Variants in RAP1GAP2 observed in about 807,000 individuals in gnomAD.
The protein encoded by RAP1GAP2 is rap1 GTPase-activating protein 2.
In RAP1GAP2, 27 loss-of-function variants were observed where a neutral mutation model predicts 95.0. The ratio of observed to expected loss-of-function variants is 0.28; its 90% CI spans 0.21 to 0.39. The LOEUF is 0.39. Ranked by LOEUF, RAP1GAP2 falls within the 10% of genes least tolerant of loss-of-function variation. The pLI is 1.00. For missense variants in RAP1GAP2, 771 were observed against 970.0 expected (o/e 0.79, Z 2.72); for synonymous variants, 373 against 380.9 (o/e 0.98, Z 0.24).
intron 2 of RAP1GAP2, among the ~76,000 whole-genome samples, chr17:2,837,607 CTT>C (rs36019609): frequency 1.7e-3 from 211 of 122,100 alleles, no homozygotes; most frequent in Middle Eastern, 8.1e-3. Context: ...AGCCCTGCTT[CTT>C]TTTTTTTTTT....
intron 3 of RAP1GAP2, among the ~76,000 whole-genome samples, chr17:2,941,412 A>G (rs1457736449): frequency 6.6e-6 from 1 of 152,096 alleles, no homozygotes; most frequent in East Asian, 1.9e-4. Context: ...CATCTAAAAC[A>G]TAAATTAAAA....
chr17:2,872,294 C>T (rs902399328), intron 2 of RAP1GAP2, among the ~76,000 whole-genome samples: 1 of 150,708 alleles, frequency 6.6e-6, no homozygotes, highest in African/African-American at 2.4e-5. Flanking sequence ...ACGAGTTCTC[C>T]AAAACAAAGA....
chr17:3,002,199 G>A (rs1278490502), intron 14 of RAP1GAP2, among the ~76,000 whole-genome samples: 1 of 152,176 alleles, frequency 6.6e-6, no homozygotes, highest in Non-Finnish European at 1.5e-5. Context: ...CTGACTTTGT[G>A]ATCCACTGGC....
Position 2,991,275 on chromosome 17 carries a change from C to A in RAP1GAP2, c.814-22C>A, listed in dbSNP as rs8071529. On this transcript the variant is annotated intron_variant, in intron 11 of 24. Transcript: ENST00000254695. ...AGAAAGAATTTTTCTAATTCCTGCC[C>A]TTATTCCTGTTTCTCTTTCAGACCC... The A allele has an allele frequency of 3.9e-5, 60 of 1,547,710 alleles. No homozygotes were observed. The East Asian group carries it at 4.6e-4, about 12-fold the overall frequency.
chr17:2,895,581 G>A (rs2041791365), intron 2 of RAP1GAP2, among the ~76,000 whole-genome samples: 2 of 39,152 alleles, frequency 5.1e-5, no homozygotes, highest in Admixed American at 8.0e-4. Context: ...GCCCTTCCCC[G>A]CTACTTTTTT....
At chr17:2,927,005 CAA>C (rs1242428206) in intron 3 of RAP1GAP2, among the ~76,000 whole-genome samples, 3,050 of 54,008 alleles carry the variant, frequency 0.056, 115 homozygotes, top group African/African-American at 0.18. Context: ...GACTCCATCT[CAA>C]AAAAAAAAAA....
At chr17:2,981,869 C>T (rs1597791541) in intron 10 of RAP1GAP2, among the ~76,000 whole-genome samples, 2 of 152,256 alleles carry the variant, frequency 1.3e-5, no homozygotes. Flanking sequence ...CTGAAGTCAC[C>T]CATGGACAGT....
Position 2,796,709 on chromosome 17 carries a change from C to T in RAP1GAP2, c.44+138C>T, listed in dbSNP as rs1211803454. 7.2e-6 allele frequency: 7 copies of T among 968,044 alleles called. No individual in the cohort carries two copies. The highest frequency in any genetic ancestry group is 5.2e-5 in the East Asian group (2 of 38,112). 60.0% of individuals were successfully genotyped at this position (968,044 alleles called of 1,614,324 possible). ...TGGGTCTGCTGACGCCCTGGCAGGT[C>T]GAGATGCAGGATCCTGGTGGGGACA... On this transcript the variant is annotated intron_variant, in intron 1 of 24. Transcript: ENST00000254695. The surrounding 1 kb of genome is among the most constrained non-coding windows in gnomAD (Gnocchi z 4.7).
chr17:2,893,386 A>G (rs1224043922), intron 2 of RAP1GAP2, among the ~76,000 whole-genome samples: 1 of 152,170 alleles, frequency 6.6e-6, no homozygotes, highest in East Asian at 1.9e-4. Context: ...GGGATAATAA[A>G]TGCGTGTGGT....
chr17:2,896,985 GCCCCCTTTGACCCTCTC>G (rs2041851053), intron 2 of RAP1GAP2, among the ~76,000 whole-genome samples: 1 of 152,158 alleles, frequency 6.6e-6, no homozygotes, highest in Non-Finnish European at 1.5e-5. Flanking sequence ...GGGACCAGTA[GCCCCCTTTGACCCTCTC>G]CCCCTTCTGT....
intron 10 of RAP1GAP2, 126 bp downstream of exon 10, chr17:2,981,374 T>C: frequency 1.2e-6 from 1 of 846,298 alleles, no homozygotes; most frequent in Non-Finnish European, 1.9e-6. Context: ...TAAGCTTCCA[T>C]GTCTCCCTCT....
chr17:2,856,962 A>G lies in RAP1GAP2; in HGVS notation c.81-48322A>G, dbSNP rs547419669. 2.6e-5 allele frequency among the ~76,000 whole-genome samples: 4 copies of G among 152,364 alleles called. 1 individual carries two copies. In the South Asian group the frequency reaches 8.3e-4, roughly 32 times the overall value. On this transcript the variant is annotated intron_variant, in intron 2 of 24. Coordinates refer to ENST00000254695, the MANE Select transcript of RAP1GAP2 (RefSeq NM_015085.5). ...GTTTCTTTGTCTCTTTAAGCGTCTGAAATGAGTGCAGCAAGCACTATTGAC... is the reference window on the plus strand; with the variant it reads ...GTTTCTTTGTCTCTTTAAGCGTCTGGAATGAGTGCAGCAAGCACTATTGAC...
At chr17:2,892,403 T>A (rs2073754384) in intron 2 of RAP1GAP2, among the ~76,000 whole-genome samples, 1 of 152,150 alleles carries the variant, frequency 6.6e-6, no homozygotes, top group Admixed American at 6.6e-5. Context: ...TAGGGCGTGT[T>A]GGAGATGATG....
At chr17:3,002,423 G>A (rs898708878) in intron 14 of RAP1GAP2, among the ~76,000 whole-genome samples, 2 of 152,204 alleles carry the variant, frequency 1.3e-5, no homozygotes. Flanking sequence ...GTGTGAATGA[G>A]GCCAGGGAGG....
chr17:2,999,167 G>T (rs1301084301), intron 14 of RAP1GAP2, among the ~76,000 whole-genome samples: 1 of 152,156 alleles, frequency 6.6e-6, no homozygotes, highest in African/African-American at 2.4e-5. Flanking sequence ...GCAGCTCATT[G>T]CCCCTGCAGT....
intron 17 of RAP1GAP2, among the ~76,000 whole-genome samples, chr17:3,016,410 A>C (rs1040883395): frequency 6.6e-6 from 1 of 152,258 alleles, no homozygotes; most frequent in Non-Finnish European, 1.5e-5. Flanking sequence ...TGGGGAGCTC[A>C]GGGAGCAGAG....
intron 2 of RAP1GAP2, among the ~76,000 whole-genome samples, chr17:2,890,296 A>G (rs971432400): frequency 4.6e-5 from 7 of 152,214 alleles, no homozygotes; most frequent in African/African-American, 1.7e-4. Flanking sequence ...TGAATAGACC[A>G]GGCAGATTTA....
chr17:2,830,842 C>T (rs994378714), intron 2 of RAP1GAP2, among the ~76,000 whole-genome samples: 6 of 151,644 alleles, frequency 4.0e-5, no homozygotes, highest in African/African-American at 1.5e-4. Context: ...TACTCCAATC[C>T]GCCCTGTCCC....
At position 2,820,891 on chromosome 17, in the gene RAP1GAP2, G is replaced by GTTTTTTTTTTTTTTTTTTTTTTTTTT. The variant is rs1475267891; in HGVS notation, c.80+20341_80+20342insTTTTTTTTTTTTTTTTTTTTTTTTTT. Among the ~76,000 whole-genome samples the GTTTTTTTTTTTTTTTTTTTTTTTTTT allele has an allele frequency of 8.0e-4, 91 of 113,962 alleles. 6 individuals are homozygous for GTTTTTTTTTTTTTTTTTTTTTTTTTT. Among genetic ancestry groups the GTTTTTTTTTTTTTTTTTTTTTTTTTT allele is most frequent in the Admixed American group, 1.8e-3 (18 of 9,790 alleles). 74.8% of individuals were successfully genotyped at this position (113,962 alleles called of 152,430 possible). On this transcript the variant is annotated intron_variant, in intron 2 of 24. Transcript: ENST00000254695. ...TGCCCGCCACCACGGCCCGGATAATGGTTTTTTTTTTTTTTTTTGTATTTT... is the reference window on the plus strand; with the variant it reads ...TGCCCGCCACCACGGCCCGGATAATGTTTTTTTTTTTTTTTTTTTTTTTTTTGTTTTTTTTTTTTTTTTTGTATTTT...
Sources: allele counts gnomAD v4.1 joint callset (sites outside exome capture counted in the v4.1 genomes callset), GRCh38; gene constraint gnomAD v4.1.1; non-coding constraint Gnocchi (gnomAD v3.1); transcripts MANE v1.5; gene names NCBI Gene and HGNC (gene_info 2026-07-23, HGNC 2026-07-21).